Variants in TYW1 observed in about 807,000 individuals in gnomAD.
TYW1 encodes tRNA-yW synthesizing protein 1 homolog.
Under a neutral mutation model 96.2 loss-of-function variants are expected in TYW1, and 46 were observed. The ratio of observed to expected loss-of-function variants is 0.48; its 90% CI spans 0.38 to 0.61. TYW1 has a LOEUF of 0.61. TYW1 is among the 20% of genes least tolerant of loss of function. The pLI, the probability that TYW1 is intolerant of heterozygous loss-of-function variation, is 0.00. For missense variants in TYW1, 684 were observed against 909.6 expected (o/e 0.75, Z 3.19); for synonymous variants, 274 against 323.0 (o/e 0.85, Z 1.63).
At chr7:67,029,434 A>ACATATATATATAT (rs1251271240) in intron 7 of TYW1, among the ~76,000 whole-genome samples, 1 of 60,408 alleles carries the variant, frequency 1.7e-5, no homozygotes, top group African/African-American at 6.1e-5. Context: ...TATATATATA[A>ACATATATATATAT]ATAGTATTTT....
At chr7:67,035,762 C>T (rs1247477829) in intron 7 of TYW1, among the ~76,000 whole-genome samples, 1 of 152,118 alleles carries the variant, frequency 6.6e-6, no homozygotes, top group Non-Finnish European at 1.5e-5. Context: ...ACTGCAACCT[C>T]TACCTTCCAG....
intron 15 of TYW1, 72 bp from the exon 16 acceptor site, chr7:67,238,236 A>G (rs1584731262): frequency 1.9e-6 from 3 of 1,578,908 alleles, no homozygotes; most frequent in Non-Finnish European, 2.6e-6. Context: ...CTTGTTCATG[A>G]TTTTAAAAAC....
intron 8 of TYW1, among the ~76,000 whole-genome samples, chr7:67,054,046 C>G (rs1314983052): frequency 6.6e-6 from 1 of 152,208 alleles, no homozygotes. Context: ...TAATTGTTTC[C>G]TATCTCTATG....
intron 12 of TYW1, among the ~76,000 whole-genome samples, chr7:67,112,098 G>GAAAAAAAAAAAAAAA (rs1797427851): frequency 3.5e-5 from 1 of 28,852 alleles, no homozygotes; most frequent in African/African-American, 1.3e-4. Flanking sequence ...GACTCTGTCT[G>GAAAAAAAAAAAAAAA]ACAAAAAAAA....
At chr7:67,032,032 A>G (rs1347089095) in intron 7 of TYW1, among the ~76,000 whole-genome samples, 1 of 151,906 alleles carries the variant, frequency 6.6e-6, no homozygotes, top group African/African-American at 2.4e-5. Context: ...AGACTTTGTA[A>G]ATGTCAATAT....
intron 15 of TYW1, among the ~76,000 whole-genome samples, chr7:67,200,813 T>C (rs1800574404): frequency 6.6e-6 from 1 of 152,122 alleles, no homozygotes; most frequent in Non-Finnish European, 1.5e-5. Flanking sequence ...AGGCACCATT[T>C]AACTGGATCT....
At chr7:67,228,039 A>G (rs1284316072) in intron 15 of TYW1, among the ~76,000 whole-genome samples, 1 of 152,118 alleles carries the variant, frequency 6.6e-6, no homozygotes, top group Non-Finnish European at 1.5e-5. Context: ...TCCTCGTTTC[A>G]CAGTTTCTCA....
chr7:67,204,162 GA>G (rs1800693554), intron 15 of TYW1, among the ~76,000 whole-genome samples: 2 of 152,086 alleles, frequency 1.3e-5, no homozygotes, highest in Non-Finnish European at 2.9e-5. Context: ...CAAATTGGGG[GA>G]ATTTCTAGTT....
intron 14 of TYW1, among the ~76,000 whole-genome samples, chr7:67,194,435 G>T (rs2116340325): frequency 6.6e-6 from 1 of 151,878 alleles, no homozygotes; most frequent in South Asian, 2.1e-4. Context: ...GACCAGCCTG[G>T]TCAACATGGC....
At chr7:67,075,549 G>A (rs1474540936) in intron 10 of TYW1, among the ~76,000 whole-genome samples, 1 of 152,202 alleles carries the variant, frequency 6.6e-6, no homozygotes, top group African/African-American at 2.4e-5. Flanking sequence ...AATAAAAAGA[G>A]GTTAAGTACT....
chr7:67,134,467 G>A (rs866648217), intron 13 of TYW1, among the ~76,000 whole-genome samples: 5 of 151,958 alleles, frequency 3.3e-5, no homozygotes, highest in Middle Eastern at 3.4e-3. Flanking sequence ...GCTTGAACCC[G>A]GGAGATGGAG....
chr7:67,114,645 T>G (rs1030647181), intron 12 of TYW1, among the ~76,000 whole-genome samples: 2 of 152,174 alleles, frequency 1.3e-5, no homozygotes, highest in African/African-American at 4.8e-5. Flanking sequence ...CAGGAATTAT[T>G]ATGATGATTT....
At chr7:67,080,991 G>A (rs185897790) in intron 10 of TYW1, among the ~76,000 whole-genome samples, 74 of 111,154 alleles carry the variant, frequency 6.7e-4, no homozygotes, top group Non-Finnish European at 1.6e-4. Context: ...CTTCCATAGC[G>A]GTAACATTTG....
chr7:67,041,529 AC>A, intron 7 of TYW1, among the ~76,000 whole-genome samples: 1 of 152,022 alleles, frequency 6.6e-6, no homozygotes, highest in South Asian at 2.1e-4. Context: ...TGAACTCCTG[AC>A]CTCAGGTGAT....
At chr7:67,029,222 G>A (rs539659328) in intron 7 of TYW1, among the ~76,000 whole-genome samples, 9 of 151,356 alleles carry the variant, frequency 5.9e-5, no homozygotes, top group Admixed American at 1.3e-4. Flanking sequence ...TCCTGACCTC[G>A]TGATCACCCA....
At chr7:67,173,227 G>A (rs1799569244) in intron 13 of TYW1, among the ~76,000 whole-genome samples, 2 of 151,684 alleles carry the variant, frequency 1.3e-5, no homozygotes, top group East Asian at 3.9e-4. Context: ...TTCTCACATT[G>A]TACTTTGTTT....
At chr7:67,160,860 G>A (rs1163561077) in intron 13 of TYW1, among the ~76,000 whole-genome samples, 1 of 151,918 alleles carries the variant, frequency 6.6e-6, no homozygotes, top group Non-Finnish European at 1.5e-5. Context: ...CCAGAGTGCT[G>A]GGATTAGAGG....
At chr7:67,080,383 G>A (rs575038397) in intron 10 of TYW1, among the ~76,000 whole-genome samples, 2 of 151,116 alleles carry the variant, frequency 1.3e-5, no homozygotes, top group East Asian at 3.9e-4. Context: ...TCTTATACAA[G>A]GATAGCTACT....
At chr7:67,081,657 C>G (rs1053194045) in intron 10 of TYW1, among the ~76,000 whole-genome samples, 1 of 151,546 alleles carries the variant, frequency 6.6e-6, no homozygotes, top group Non-Finnish European at 1.5e-5. Flanking sequence ...TGCTGCTGCT[C>G]CTCCTCCTGC....
Sources: allele counts gnomAD v4.1 joint callset (sites outside exome capture counted in the v4.1 genomes callset), GRCh38; gene constraint gnomAD v4.1.1; transcripts MANE v1.5; gene names NCBI Gene and HGNC (gene_info 2026-07-23, HGNC 2026-07-21).